The following UIMC1 variants were observed in gnomAD, a reference collection of about 807,000 sequenced individuals.
UIMC1 encodes ubiquitin interaction motif containing 1.
In UIMC1, 42 loss-of-function variants were observed where a neutral mutation model predicts 84.9. The observed-to-expected ratio is 0.49, with a 90% CI of 0.39 to 0.64. The LOEUF (loss-of-function observed/expected upper bound fraction) is 0.64, where lower values mean the gene tolerates loss of function less well. Among genes scored for constraint, UIMC1 ranks in the 30% least tolerant of loss-of-function variants. The pLI is 0.00. For synonymous variants in UIMC1, 281 were observed against 293.0 expected, an observed-to-expected ratio of 0.96 and a Z score of 0.42; for missense variants, 825 against 847.6, an observed-to-expected ratio of 0.97 and a Z score of 0.33.
chr5:177,000,435 G>C (rs1301145190), intron 1 of UIMC1, among the ~76,000 whole-genome samples: 7 of 150,690 alleles, frequency 4.6e-5, no homozygotes, highest in Admixed American at 1.3e-4. Flanking sequence ...GTTGTGACTT[G>C]CATTTCTCTG....
At position 176,970,541 on chromosome 5, in the gene UIMC1, C is replaced by T. The variant is rs562654702; in HGVS notation, c.357+201G>A. 1.8e-5 allele frequency: 13 copies of T among 738,248 alleles called. No homozygotes were observed. The South Asian group carries it at 2.3e-4, about 13-fold the overall frequency. The allele number at this position is 738,248 out of a possible 1,614,324, so 45.7% of individuals were successfully genotyped here. On this transcript the variant is annotated intron_variant, in intron 4 of 14. Coordinates refer to ENST00000511320, the MANE Select transcript of UIMC1 (RefSeq NM_001199298.2). The stretch of plus-strand genomic sequence containing the variant: ...AAAATCCATGGGGTGGAAGAAAACT[C>T]TTTCATATAGAATTAACAAAATACT...
intron 9 of UIMC1, among the ~76,000 whole-genome samples, chr5:176,945,511 C>T (rs982637001): frequency 2.0e-5 from 3 of 152,302 alleles, no homozygotes; most frequent in South Asian, 4.1e-4. Context: ...GAGTCAACAG[C>T]GCGTGATGTG....
chr5:177,002,798 AAAT>A lies in UIMC1; in HGVS notation c.-9+3849_-9+3851del, dbSNP rs140122034. On this transcript the variant is annotated intron_variant, in intron 1 of 14. Transcript: ENST00000511320. ...AGGACAGAACGAGACTCTGTCTCAA[AAAT>A]AATAATAATAATAATAAATATTTGA... Among the ~76,000 whole-genome samples, 101 of 151,804 alleles carry A rather than the reference AAAT, an allele frequency of 6.7e-4. 1 individual carries two copies. The highest frequency in any genetic ancestry group is 1.2e-3 in the Non-Finnish European group (82 of 67,984).
At chr5:176,932,150 T>C (rs890834988) in intron 10 of UIMC1, among the ~76,000 whole-genome samples, 1 of 152,218 alleles carries the variant, frequency 6.6e-6, no homozygotes, top group Non-Finnish European at 1.5e-5. Flanking sequence ...GTCAGTACTG[T>C]GGGCATTCAA....
chr5:176,966,330 G>T (rs1448823581), intron 6 of UIMC1, among the ~76,000 whole-genome samples: 1 of 152,198 alleles, frequency 6.6e-6, no homozygotes, highest in Non-Finnish European at 1.5e-5. Context: ...ACGTGAAACT[G>T]GGATTCAAAG....
intron 10 of UIMC1, among the ~76,000 whole-genome samples, chr5:176,935,113 T>C (rs929219206): frequency 6.6e-6 from 1 of 152,206 alleles, no homozygotes; most frequent in Non-Finnish European, 1.5e-5. Flanking sequence ...CAATAATTAT[T>C]TGAGTTGAAA....
At chr5:176,937,916 C>G (rs1763904905) in intron 10 of UIMC1, among the ~76,000 whole-genome samples, 1 of 152,106 alleles carries the variant, frequency 6.6e-6, no homozygotes, top group African/African-American at 2.4e-5. Flanking sequence ...ACTTGCCAGG[C>G]ATGGTGGCCT....
chr5:176,984,963 A>G (rs1019905375), intron 1 of UIMC1, among the ~76,000 whole-genome samples: 2 of 152,248 alleles, frequency 1.3e-5, no homozygotes, highest in South Asian at 4.1e-4. Context: ...GCGGAAGGCC[A>G]CAGGGACCTC....
chr5:176,974,321 C>T (rs941068368), intron 3 of UIMC1, among the ~76,000 whole-genome samples: 1 of 152,000 alleles, frequency 6.6e-6, no homozygotes, highest in Non-Finnish European at 1.5e-5. Context: ...GCAAATGGTA[C>T]AAGAATGATT....
intron 6 of UIMC1, among the ~76,000 whole-genome samples, chr5:176,959,025 T>C (rs1766967092): frequency 6.6e-6 from 1 of 152,250 alleles, no homozygotes; most frequent in South Asian, 2.1e-4. Context: ...TAGGCATCTC[T>C]TTATGAATCT....
chr5:176,983,904 G>A (rs1228848839), intron 1 of UIMC1, among the ~76,000 whole-genome samples: 24 of 148,438 alleles, frequency 1.6e-4, no homozygotes, highest in African/African-American at 4.8e-4. Flanking sequence ...TGGGATGTGA[G>A]GAGCACCTCT....
chr5:176,912,783 A>G (rs926748178), intron 10 of UIMC1, among the ~76,000 whole-genome samples: 3 of 151,954 alleles, frequency 2.0e-5, no homozygotes, highest in Non-Finnish European at 2.9e-5. Flanking sequence ...CTTCTGCCTC[A>G]GCCTCCTGAG....
intron 12 of UIMC1, 76 bp from the exon 13 acceptor site, chr5:176,907,253 A>C: frequency 7.3e-7 from 1 of 1,378,232 alleles, no homozygotes; most frequent in Non-Finnish European, 1.0e-6. Flanking sequence ...CCCAGATCAC[A>C]CGTGTTCATA....
intron 10 of UIMC1, among the ~76,000 whole-genome samples, chr5:176,924,716 AAATCTTCTTCACAG>A (rs1762162254): frequency 6.6e-6 from 1 of 152,222 alleles, no homozygotes; most frequent in Non-Finnish European, 1.5e-5. Context: ...AGACCATCTT[AAATCTTCTTCACAG>A]CAAGATACCA....
intron 3 of UIMC1, among the ~76,000 whole-genome samples, chr5:176,973,077 G>A (rs1309520951): frequency 3.9e-5 from 6 of 151,900 alleles, no homozygotes; most frequent in Non-Finnish European, 8.8e-5. Context: ...CACCAGGCCC[G>A]GCTAATTTTT....
chr5:177,018,758 G>C (rs1278068619), intron 1 of UIMC1, among the ~76,000 whole-genome samples: 1 of 152,234 alleles, frequency 6.6e-6, no homozygotes, highest in Non-Finnish European at 1.5e-5. Flanking sequence ...CAGCAGGGTA[G>C]CTCAGGACTC....
intron 3 of UIMC1, among the ~76,000 whole-genome samples, 186 bp downstream of exon 3, chr5:176,975,210 G>A (rs930429749): frequency 1.3e-5 from 2 of 151,938 alleles, no homozygotes; most frequent in African/African-American, 4.8e-5. Flanking sequence ...TTCCACTGAA[G>A]ATACAGGAAA....
intron 2 of UIMC1, among the ~76,000 whole-genome samples, chr5:176,978,167 C>CAGTA (rs1770441450): frequency 6.6e-6 from 1 of 151,766 alleles, no homozygotes; most frequent in African/African-American, 2.4e-5. Context: ...GTCAGGAGAT[C>CAGTA]GAGACCATCC....
intron 10 of UIMC1, among the ~76,000 whole-genome samples, chr5:176,927,981 A>C (rs2149418042): frequency 6.6e-6 from 1 of 151,504 alleles, no homozygotes; most frequent in East Asian, 2.0e-4. Context: ...CCTCCCGAGT[A>C]GCTGGGATTA....
Sources: gnomAD v4.1 joint callset for allele counts (sites outside exome capture counted in the v4.1 genomes callset) on GRCh38, gnomAD v4.1.1 for gene constraint, MANE v1.5 for transcripts, NCBI Gene and HGNC (gene_info 2026-07-23, HGNC 2026-07-21) for gene names.